Variants in MEIS2 observed in about 807,000 individuals in gnomAD.
MEIS2 encodes Meis homeobox 2.
MEIS2 carries 9 observed loss-of-function variants against 58.6 expected under a neutral mutation model. That is an observed-to-expected ratio of 0.15 (90% CI 0.09 to 0.27). The LOEUF (loss-of-function observed/expected upper bound fraction) is 0.27, where lower values mean the gene tolerates loss of function less well. Among genes scored for constraint, MEIS2 ranks in the 10% least tolerant of loss-of-function variants. The probability of loss-of-function intolerance (pLI) is 1.00; values close to 1 mark genes in which losing one functional copy is unlikely to be tolerated. For missense variants in MEIS2, 427 were observed against 635.0 expected (o/e 0.67, Z 3.52); for synonymous variants, 221 against 228.4 (o/e 0.97, Z 0.29).
intron 8 of MEIS2, among the ~76,000 whole-genome samples, chr15:36,958,304 G>C (rs2141419517): frequency 6.6e-6 from 1 of 152,202 alleles, no homozygotes; most frequent in East Asian, 1.9e-4. Flanking sequence ...ATCATCCAAA[G>C]ATTTTAAGAA....
chr15:36,985,096 C>G (rs1183109090), intron 8 of MEIS2, among the ~76,000 whole-genome samples: 2 of 152,002 alleles, frequency 1.3e-5, no homozygotes, highest in African/African-American at 4.8e-5. Context: ...CCCTCTTATA[C>G]TCTTGACTAT....
intron 9 of MEIS2, among the ~76,000 whole-genome samples, chr15:36,946,259 CTT>C (rs1291270829): frequency 6.6e-6 from 1 of 151,240 alleles, no homozygotes; most frequent in Non-Finnish European, 1.5e-5. Context: ...AAATAACCTT[CTT>C]TGTCTTTTGT....
chr15:36,894,208 T>C (rs2056043576), intron 11 of MEIS2, among the ~76,000 whole-genome samples: 1 of 152,226 alleles, frequency 6.6e-6, no homozygotes, highest in Non-Finnish European at 1.5e-5. Context: ...GAAGAATCAA[T>C]GGTGTCACTG....
chr15:36,916,530 C>T (rs190575564), intron 9 of MEIS2, among the ~76,000 whole-genome samples: 2,431 of 151,930 alleles, frequency 0.016, 31 homozygotes, highest in Admixed American at 0.023. Flanking sequence ...CTTCTGGGCT[C>T]AAGCAATCCT....
At chr15:37,057,723 C>T (rs1345561221) in intron 7 of MEIS2, among the ~76,000 whole-genome samples, 3 of 151,864 alleles carry the variant, frequency 2.0e-5, no homozygotes, top group Non-Finnish European at 4.4e-5. Flanking sequence ...TTTTTTCCCC[C>T]CGGTAGAGTT....
intron 7 of MEIS2, among the ~76,000 whole-genome samples, chr15:37,042,675 G>C (rs2062477788): frequency 6.6e-6 from 1 of 152,234 alleles, no homozygotes; most frequent in Non-Finnish European, 1.5e-5. Flanking sequence ...GAACAGATTA[G>C]TTCTGGGACC....
chr15:37,040,296 C>T (rs1440113203), intron 7 of MEIS2, among the ~76,000 whole-genome samples: 1 of 152,156 alleles, frequency 6.6e-6, no homozygotes, highest in African/African-American at 2.4e-5. Context: ...GAAGATACCT[C>T]CATGCCTGAC....
At chr15:37,026,177 T>C (rs1253295902) in intron 8 of MEIS2, among the ~76,000 whole-genome samples, 1 of 152,182 alleles carries the variant, frequency 6.6e-6, no homozygotes, top group African/African-American at 2.4e-5. Flanking sequence ...AGGTTGCTTT[T>C]AAAGAGAGTC....
intron 7 of MEIS2, among the ~76,000 whole-genome samples, chr15:37,055,202 C>A (rs2063088201): frequency 6.6e-6 from 1 of 152,076 alleles, no homozygotes. Context: ...ATTTCTATAC[C>A]CTATTGAGTA....
chr15:37,044,519 G>T (rs1346507351), intron 7 of MEIS2, among the ~76,000 whole-genome samples: 1 of 152,152 alleles, frequency 6.6e-6, no homozygotes, highest in African/African-American at 2.4e-5. Flanking sequence ...GAATTTTAAA[G>T]ACTTTTCTGA....
intron 3 of MEIS2, chr15:37,095,818 C>T: frequency 1.5e-6 from 1 of 671,434 alleles, no homozygotes; most frequent in Non-Finnish European, 2.5e-6. Flanking sequence ...TAAGGGGGAC[C>T]TGGTACGACT....
rs192825915 is a variant in MEIS2, at chr15:37,048,210, A to G, written c.755-11251T>C. 9.2e-5 allele frequency among the ~76,000 whole-genome samples: 14 copies of G among 152,316 alleles called. 1 individual carries two copies. The East Asian group carries it at 2.7e-3, about 29-fold the overall frequency. On this transcript the variant is annotated intron_variant, in intron 7 of 11. Coordinates refer to ENST00000561208, the MANE Select transcript of MEIS2 (RefSeq NM_170675.5). ...GAATATAATTAGTCTGCTTCCAAAA[A>G]TGTATTAACTACATCAAACCTATAC...
chr15:37,022,660 GAC>G (rs1191381052), intron 8 of MEIS2, among the ~76,000 whole-genome samples: 1 of 151,726 alleles, frequency 6.6e-6, no homozygotes, highest in Admixed American at 6.6e-5. Context: ...TTTTTTTTGA[GAC>G]AGAGTCTTGC....
intron 7 of MEIS2, among the ~76,000 whole-genome samples, chr15:37,059,021 T>C (rs1888827979): frequency 6.6e-6 from 1 of 152,218 alleles, no homozygotes; most frequent in African/African-American, 2.4e-5. Flanking sequence ...AATGCATATA[T>C]TCACTTGTAT....
At chr15:36,978,604 TAA>T (rs1207227973) in intron 8 of MEIS2, among the ~76,000 whole-genome samples, 1 of 152,202 alleles carries the variant, frequency 6.6e-6, no homozygotes, top group Non-Finnish European at 1.5e-5. Context: ...GAAAACAAAT[TAA>T]GTCTCAAATA....
At chr15:36,914,340 C>A (rs2057175982) in intron 9 of MEIS2, among the ~76,000 whole-genome samples, 1 of 152,208 alleles carries the variant, frequency 6.6e-6, no homozygotes, top group Non-Finnish European at 1.5e-5. Context: ...TGGCATACTG[C>A]AAATATGTCC....
At chr15:37,018,160 C>A (rs1407374458) in intron 8 of MEIS2, among the ~76,000 whole-genome samples, 1 of 152,174 alleles carries the variant, frequency 6.6e-6, no homozygotes, top group African/African-American at 2.4e-5. Context: ...AAGCTCCATC[C>A]AAGCTTTCAG....
At chr15:37,026,545 C>T (rs2061713239) in intron 8 of MEIS2, among the ~76,000 whole-genome samples, 1 of 152,104 alleles carries the variant, frequency 6.6e-6, no homozygotes, top group African/African-American at 2.4e-5. Flanking sequence ...TTAACAGCAG[C>T]AACAAGATTT....
chr15:36,927,762 T>C (rs2057805267), intron 9 of MEIS2, among the ~76,000 whole-genome samples: 1 of 152,240 alleles, frequency 6.6e-6, no homozygotes, highest in South Asian at 2.1e-4. Context: ...TCTCTGAAAA[T>C]AATGTCTGTT....
Sources: allele counts gnomAD v4.1 joint callset (sites outside exome capture counted in the v4.1 genomes callset), GRCh38; gene constraint gnomAD v4.1.1; transcripts MANE v1.5; gene names NCBI Gene and HGNC (gene_info 2026-07-23, HGNC 2026-07-21).